The following UBE3D variants were observed in gnomAD, a reference collection of about 807,000 sequenced individuals.
The protein encoded by UBE3D is E3 ubiquitin-protein ligase E3D.
A neutral mutation model predicts 49.6 loss-of-function variants in UBE3D; 48 were observed. The observed-to-expected ratio is 0.97, with a 90% confidence interval of 0.77 to 1.23. The LOEUF (loss-of-function observed/expected upper bound fraction) is 1.23, where lower values mean the gene tolerates loss of function less well. Among genes scored for constraint, UBE3D ranks in the 50% most tolerant of loss-of-function variants. The pLI is 0.00. For missense variants in UBE3D, 452 were observed against 468.4 expected (o/e 0.96, Z 0.32); for synonymous variants, 189 against 174.2 (o/e 1.08, Z -0.67).
intron 9 of UBE3D, among the ~76,000 whole-genome samples, chr6:82,929,998 C>A (rs1322848034): frequency 2.0e-5 from 3 of 152,128 alleles, no homozygotes; most frequent in Non-Finnish European, 2.9e-5. Flanking sequence ...TGCATCCCCC[C>A]CAAAATCTCA....
intron 8 of UBE3D, among the ~76,000 whole-genome samples, chr6:82,961,889 G>A (rs561941055): frequency 1.3e-5 from 2 of 151,916 alleles, no homozygotes; most frequent in African/African-American, 4.8e-5. Flanking sequence ...TGGAATCCAG[G>A]AGGCAGAGGG....
intron 9 of UBE3D, among the ~76,000 whole-genome samples, chr6:82,896,252 T>C (rs1771305941): frequency 6.6e-6 from 1 of 152,234 alleles, no homozygotes; most frequent in Admixed American, 6.5e-5. Flanking sequence ...TTTTATTTTG[T>C]TCCACTACAC....
chr6:83,044,801 T>C, intron 3 of UBE3D, 142 bp from the exon 4 acceptor site: 1 of 688,110 alleles, frequency 1.5e-6, no homozygotes. Context: ...AAAAGTAATA[T>C]ATACTCACTA....
At chr6:83,041,384 G>A (rs186103663) in intron 4 of UBE3D, among the ~76,000 whole-genome samples, 2 of 152,208 alleles carry the variant, frequency 1.3e-5, no homozygotes, top group South Asian at 2.1e-4. Flanking sequence ...CACATGTGTG[G>A]CTCCTGATTC....
intron 8 of UBE3D, among the ~76,000 whole-genome samples, chr6:83,001,438 G>C (rs894255964): frequency 6.6e-6 from 1 of 152,122 alleles, no homozygotes; most frequent in African/African-American, 2.4e-5. Flanking sequence ...AGATTCTATG[G>C]ATTCTTACAA....
intron 9 of UBE3D, among the ~76,000 whole-genome samples, chr6:82,907,244 G>A (rs566795654): frequency 6.6e-6 from 1 of 152,240 alleles, no homozygotes; most frequent in African/African-American, 2.4e-5. Flanking sequence ...GCTGTGTAGG[G>A]GCTGTAAGCA....
intron 9 of UBE3D, among the ~76,000 whole-genome samples, chr6:82,944,838 G>A (rs1402241004): frequency 6.6e-6 from 1 of 152,188 alleles, no homozygotes; most frequent in Non-Finnish European, 1.5e-5. Context: ...ACTCCCTATG[G>A]GTTTTTGGTG....
chr6:83,046,174 C>A (rs1051610440), intron 3 of UBE3D, among the ~76,000 whole-genome samples: 2 of 151,982 alleles, frequency 1.3e-5, no homozygotes, highest in African/African-American at 4.8e-5. Flanking sequence ...AACACAAATA[C>A]TAGTAAATTA....
intron 8 of UBE3D, among the ~76,000 whole-genome samples, chr6:82,993,130 G>A (rs1779009916): frequency 6.6e-6 from 1 of 151,992 alleles, no homozygotes. Context: ...GGGAGAGAGA[G>A]AGAGAGAGAG....
chr6:82,893,086 T>C (rs766571631), intron 9 of UBE3D, 44 bp from the exon 10 acceptor site: 3 of 1,610,432 alleles, frequency 1.9e-6, no homozygotes, highest in Non-Finnish European at 2.5e-6. Flanking sequence ...TTCTATAATA[T>C]GACAAAATGG....
At chr6:82,950,024 C>T (rs1227862813) in intron 9 of UBE3D, among the ~76,000 whole-genome samples, 6 of 152,008 alleles carry the variant, frequency 3.9e-5, no homozygotes. Context: ...GAGATCACAT[C>T]AAATTAAAAG....
At chr6:82,993,644 C>A (rs1043040358) in intron 8 of UBE3D, among the ~76,000 whole-genome samples, 3 of 152,076 alleles carry the variant, frequency 2.0e-5, no homozygotes, top group Non-Finnish European at 4.4e-5. Context: ...TTTTCTCCCC[C>A]AAAATATTTT....
Position 82,950,439 on chromosome 6 carries a change from T to C in UBE3D, c.1149+6873A>G, listed in dbSNP as rs550073322. ...GGAATGTAAATTAGTACAACCAGTATGAAGAACAGTTTGGAGGTTCCTCAA... is the reference window on the plus strand; with the variant it reads ...GGAATGTAAATTAGTACAACCAGTACGAAGAACAGTTTGGAGGTTCCTCAA... On this transcript the variant is annotated intron_variant, in intron 9 of 9. Transcript: ENST00000369747. Among the ~76,000 whole-genome samples, 93 of 152,138 alleles carry C rather than the reference T, an allele frequency of 6.1e-4. 1 individual carries two copies. The highest frequency in any genetic ancestry group is 1.2e-3 in the Non-Finnish European group (82 of 68,022).
chr6:82,957,342 A>C lies in UBE3D; in HGVS notation c.1119T>G (p.Pro373=), dbSNP rs1216675090. ...AGGAATTCACACGGCGAAGGGATGA[A>C]GGCAGATTGGCATTACTCTTTGACA... ...LILSKSNANL[P]SSLRRVNSFQ... The change falls in exon 9 of 10, where the codon CCT becomes CCG. Residue 373 remains proline, a synonymous_variant. Coordinates refer to ENST00000369747, the MANE Select transcript of UBE3D (RefSeq NM_198920.3). 6.2e-7 allele frequency: 1 copy of C among 1,614,014 alleles called. No individual in the cohort carries two copies. The highest frequency in any genetic ancestry group is 1.3e-5 in the African/African-American group (1 of 74,936).
At chr6:82,944,341 T>C (rs1167361101) in intron 9 of UBE3D, among the ~76,000 whole-genome samples, 3 of 152,106 alleles carry the variant, frequency 2.0e-5, no homozygotes, top group South Asian at 2.1e-4. Flanking sequence ...TGGATGACAT[T>C]TGTAGACATA....
intron 8 of UBE3D, among the ~76,000 whole-genome samples, chr6:82,960,350 T>A (rs1212627212): frequency 6.6e-6 from 1 of 152,038 alleles, no homozygotes; most frequent in East Asian, 2.0e-4. Context: ...TCAAACTTAA[T>A]GCTAGTGCAG....
intron 7 of UBE3D, among the ~76,000 whole-genome samples, chr6:83,019,794 C>A (rs971953067): frequency 5.9e-5 from 9 of 152,136 alleles, no homozygotes; most frequent in African/African-American, 2.2e-4. Context: ...AGCATGAATC[C>A]CACCTACAGA....
intron 9 of UBE3D, among the ~76,000 whole-genome samples, chr6:82,900,361 T>C (rs1771641358): frequency 6.6e-6 from 1 of 152,182 alleles, no homozygotes; most frequent in Non-Finnish European, 1.5e-5. Context: ...TTAAGAAGCA[T>C]GGCTGGTGAA....
intron 8 of UBE3D, among the ~76,000 whole-genome samples, chr6:82,963,796 T>A (rs192972682): frequency 2.4e-4 from 36 of 150,672 alleles, no homozygotes; most frequent in African/African-American, 8.2e-4. Context: ...TCAACCCAAC[T>A]GAGTTGACAT....
Sources: allele counts gnomAD v4.1 joint callset (sites outside exome capture counted in the v4.1 genomes callset), GRCh38; gene constraint gnomAD v4.1.1; transcripts MANE v1.5; gene names NCBI Gene and HGNC (gene_info 2026-07-23, HGNC 2026-07-21).